SDCCAG8: variants seen among roughly 807,000 people sequenced by gnomAD.
The protein encoded by SDCCAG8 is serologically defined colon cancer antigen 8.
A neutral mutation model predicts 101.8 loss-of-function variants in SDCCAG8; 74 were observed. The observed-to-expected ratio is 0.73, with a 90% confidence interval of 0.60 to 0.88. The LOEUF is 0.88. Ranked by LOEUF, SDCCAG8 falls within the 40% of genes least tolerant of loss-of-function variation. The pLI, the probability that SDCCAG8 is intolerant of heterozygous loss-of-function variation, is 0.00. For synonymous variants in SDCCAG8, 281 were observed against 292.9 expected, an observed-to-expected ratio of 0.96 and a Z score of 0.41; for missense variants, 787 against 822.6, an observed-to-expected ratio of 0.96 and a Z score of 0.53.
At chr1:243,336,733 C>A (rs2075040757) in intron 10 of SDCCAG8, among the ~76,000 whole-genome samples, 1 of 152,136 alleles carries the variant, frequency 6.6e-6, no homozygotes, top group African/African-American at 2.4e-5. Context: ...GGGCAGAAGT[C>A]CAAACCATAT....
At position 243,256,184 on chromosome 1, in the gene SDCCAG8, C is replaced by T. The variant is rs756729603; in HGVS notation, c.11C>T (p.Ser4Phe). Residue 4 changes from serine to phenylalanine, a missense_variant, in exon 1 of 18, where the codon TCC becomes TTC. Coordinates refer to ENST00000366541, the MANE Select transcript of SDCCAG8 (RefSeq NM_006642.5). MAK[S>F]PENSTLEEIL... Reference sequence around the variant, plus strand: ...GCCTAGAGTGCGTGCATGGCGAAGTCCCCGGAGAACTCTACCCTGGAGGAG... The same window carrying T: ...GCCTAGAGTGCGTGCATGGCGAAGTTCCCGGAGAACTCTACCCTGGAGGAG... The T allele has an allele frequency of 8.1e-6, 13 of 1,614,010 alleles. No homozygotes were observed. The highest frequency in any genetic ancestry group is 1.1e-5 in the South Asian group (1 of 91,090).
chr1:243,368,245 AG>A (rs1306880217), intron 12 of SDCCAG8, among the ~76,000 whole-genome samples: 1 of 151,876 alleles, frequency 6.6e-6, no homozygotes, highest in East Asian at 1.9e-4. Context: ...AGAAAAGAAA[AG>A]AAGGGCCAAA....
chr1:243,356,699 T>G (rs2076404283), intron 12 of SDCCAG8, among the ~76,000 whole-genome samples: 1 of 152,192 alleles, frequency 6.6e-6, no homozygotes, highest in Middle Eastern at 3.4e-3. Context: ...CGAAAATAAC[T>G]TCATGCTAGA....
chr1:243,308,038 C>A lies in SDCCAG8; in HGVS notation c.790C>A (p.Leu264Ile). 1 of 1,614,138 alleles carries A rather than the reference C, an allele frequency of 6.2e-7. No homozygotes were observed. Among genetic ancestry groups the A allele is most frequent in the Non-Finnish European group, 8.5e-7 (1 of 1,180,018 alleles). Reference sequence around the variant, plus strand: ...AACTTGTGAAGATCTTAAAGAGCAACTAAAGCATAAAGAATTTCTTCTGGC... The same window carrying A: ...AACTTGTGAAGATCTTAAAGAGCAAATAAAGCATAAAGAATTTCTTCTGGC... ...QRTCEDLKEQ[L>I]KHKEFLLAAN... is the part of the protein sequence containing the mutation. Residue 264 changes from leucine to isoleucine, a missense_variant, in exon 8 of 18, where the codon CTA becomes ATA. Physicochemically the swap from Leu to Ile is conservative, Grantham distance 5. Coordinates refer to ENST00000366541, the MANE Select transcript of SDCCAG8 (RefSeq NM_006642.5).
At chr1:243,327,597 G>T (rs193040015) in intron 9 of SDCCAG8, among the ~76,000 whole-genome samples, 1 of 151,816 alleles carries the variant, frequency 6.6e-6, no homozygotes, top group African/African-American at 2.4e-5. Context: ...TAGCCTTTGA[G>T]AAGTCAGTTA....
intron 3 of SDCCAG8, among the ~76,000 whole-genome samples, chr1:243,273,324 T>A (rs1322814400): frequency 1.3e-5 from 2 of 152,208 alleles, no homozygotes; most frequent in Admixed American, 1.3e-4. Flanking sequence ...TTTGTTTAAC[T>A]GGTTGACCCT....
intron 13 of SDCCAG8, among the ~76,000 whole-genome samples, chr1:243,400,402 C>T (rs900817261): frequency 2.6e-5 from 4 of 152,322 alleles, no homozygotes; most frequent in African/African-American, 9.6e-5. Context: ...TGTATCTCAT[C>T]AGTGCCTCTG....
At chr1:243,360,104 C>T (rs977541566) in intron 12 of SDCCAG8, among the ~76,000 whole-genome samples, 9 of 149,966 alleles carry the variant, frequency 6.0e-5, no homozygotes, top group Non-Finnish European at 1.3e-4. Context: ...CCGTCTAGTT[C>T]AAGGTACTGT....
chr1:243,325,998 C>A (rs2149343455), intron 9 of SDCCAG8, among the ~76,000 whole-genome samples: 2 of 152,238 alleles, frequency 1.3e-5, no homozygotes, highest in African/African-American at 4.8e-5. Context: ...AGGCCTTAGG[C>A]CTGCCTGCTT....
At chr1:243,281,650 CTTT>C (rs35028868) in intron 4 of SDCCAG8, among the ~76,000 whole-genome samples, 2 of 113,758 alleles carry the variant, frequency 1.8e-5, no homozygotes, top group Non-Finnish European at 1.7e-5. Flanking sequence ...CCTTCTCTGG[CTTT>C]TTTTTTTTTT....
intron 16 of SDCCAG8, among the ~76,000 whole-genome samples, chr1:243,430,781 C>T (rs533671499): frequency 6.3e-4 from 96 of 152,030 alleles, no homozygotes; most frequent in Non-Finnish European, 1.1e-3. Context: ...TATCTTGTTA[C>T]TAATGGGAAG....
intron 10 of SDCCAG8, among the ~76,000 whole-genome samples, chr1:243,334,063 A>G (rs2074819156): frequency 6.6e-6 from 1 of 152,092 alleles, no homozygotes; most frequent in South Asian, 2.1e-4. Context: ...CAGCACAGAA[A>G]TCTTGTCACC....
intron 16 of SDCCAG8, among the ~76,000 whole-genome samples, chr1:243,482,933 C>T (rs1212030987): frequency 1.3e-5 from 2 of 152,174 alleles, no homozygotes; most frequent in Non-Finnish European, 2.9e-5. Flanking sequence ...GTGTGTGGTT[C>T]GCAGGCTGTG....
intron 12 of SDCCAG8, among the ~76,000 whole-genome samples, chr1:243,377,811 G>A (rs1023802833): frequency 6.9e-5 from 9 of 130,590 alleles, no homozygotes; most frequent in Admixed American, 2.5e-4. Context: ...TGCTGAATTT[G>A]AAAATGTTTC....
At chr1:243,444,663 G>A (rs192810360) in intron 16 of SDCCAG8, among the ~76,000 whole-genome samples, 5 of 152,296 alleles carry the variant, frequency 3.3e-5, no homozygotes, top group Non-Finnish European at 7.4e-5. Flanking sequence ...GATTACAGGC[G>A]TGAGCCACTG....
intron 6 of SDCCAG8, among the ~76,000 whole-genome samples, chr1:243,294,757 CTATTT>C (rs1173814544): frequency 3.0e-5 from 4 of 134,930 alleles, no homozygotes; most frequent in South Asian, 2.4e-4. Context: ...AAAAACAATT[CTATTT>C]TAAGACTAAA....
At chr1:243,284,861 T>C (rs1338781669) in intron 4 of SDCCAG8, among the ~76,000 whole-genome samples, 4 of 152,100 alleles carry the variant, frequency 2.6e-5, no homozygotes, top group South Asian at 2.1e-4. Context: ...AGTGGGGCAG[T>C]CCTTCTATGA....
chr1:243,489,396 C>A (rs1279900605), intron 17 of SDCCAG8, among the ~76,000 whole-genome samples: 1 of 152,208 alleles, frequency 6.6e-6, no homozygotes, highest in Admixed American at 6.5e-5. Flanking sequence ...CACCGAGTGC[C>A]AAGTTGCGCC....
chr1:243,470,695 C>T (rs1229013590), intron 16 of SDCCAG8, among the ~76,000 whole-genome samples: 1 of 152,092 alleles, frequency 6.6e-6, no homozygotes, highest in Non-Finnish European at 1.5e-5. Context: ...CTGCTAGTTT[C>T]TCAGCTTGTC....
Sources: allele counts gnomAD v4.1 joint callset (sites outside exome capture counted in the v4.1 genomes callset), GRCh38; gene constraint gnomAD v4.1.1; transcripts MANE v1.5; gene names NCBI Gene and HGNC (gene_info 2026-07-23, HGNC 2026-07-21).